ADAMTSL1: variants seen among roughly 807,000 people sequenced by gnomAD.
ADAMTSL1 encodes ADAMTS like 1.
ADAMTSL1 carries 126 observed loss-of-function variants against 201.8 expected under a neutral mutation model. The observed-to-expected ratio is 0.62, with a 90% CI of 0.54 to 0.72. The LOEUF is 0.72. Ranked by LOEUF, ADAMTSL1 falls within the 30% of genes least tolerant of loss-of-function variation. The pLI, the probability that ADAMTSL1 is intolerant of heterozygous loss-of-function variation, is 0.00. For missense variants in ADAMTSL1, 2,679 were observed against 2,277.8 expected, an observed-to-expected ratio of 1.18 and a Z score of -3.59; for synonymous variants, 1,121 against 903.4, an observed-to-expected ratio of 1.24 and a Z score of -4.32.
At chr9:18,433,755 A>G (rs1819599444) in intron 2 of ADAMTSL1, among the ~76,000 whole-genome samples, 1 of 152,202 alleles carries the variant, frequency 6.6e-6, no homozygotes, top group Non-Finnish European at 1.5e-5. Flanking sequence ...CACACTTAAG[A>G]GTAGACTAGG....
chr9:17,998,574 G>A (rs1464625500), intron 1 of ADAMTSL1, among the ~76,000 whole-genome samples: 2 of 152,012 alleles, frequency 1.3e-5, no homozygotes, highest in Non-Finnish European at 2.9e-5. Context: ...TAATCACAGG[G>A]TATGTTTAGT....
intron 2 of ADAMTSL1, among the ~76,000 whole-genome samples, chr9:18,456,292 C>G (rs1007521748): frequency 6.6e-6 from 1 of 152,166 alleles, no homozygotes; most frequent in African/African-American, 2.4e-5. Context: ...TGGTCCTTAA[C>G]AAGCCTTGAA....
chr9:18,282,976 A>G (rs1392269139), intron 2 of ADAMTSL1, among the ~76,000 whole-genome samples: 1 of 152,240 alleles, frequency 6.6e-6, no homozygotes, highest in Non-Finnish European at 1.5e-5. Flanking sequence ...GGTGGTTTAT[A>G]TAGTTTTTAA....
intron 2 of ADAMTSL1, chr9:18,362,221 C>G (rs1836557251): frequency 6.6e-6 from 1 of 152,128 alleles, no homozygotes; most frequent in Non-Finnish European, 1.5e-5. Flanking sequence ...TCACCTAACA[C>G]TGGAATATAG....
chr9:18,316,601 C>T (rs910481715), intron 2 of ADAMTSL1, among the ~76,000 whole-genome samples: 92 of 152,108 alleles, frequency 6.0e-4, no homozygotes, highest in African/African-American at 2.2e-3. Context: ...TCTCTTATTC[C>T]CTGAACAACT....
chr9:18,657,567 T>C, intron 7 of ADAMTSL1, 72 bp from the exon 8 acceptor site: 2 of 1,155,390 alleles, frequency 1.7e-6, no homozygotes, highest in Non-Finnish European at 2.6e-6. Context: ...CATATACTCT[T>C]GTTCGAAGCT....
chr9:18,812,707 A>G (rs1258891337), intron 20 of ADAMTSL1, among the ~76,000 whole-genome samples: 1 of 151,972 alleles, frequency 6.6e-6, no homozygotes, highest in East Asian at 1.9e-4. Context: ...TCCATTTTTA[A>G]TTTTTATGTA....
intron 4 of ADAMTSL1, among the ~76,000 whole-genome samples, chr9:18,608,877 T>C (rs1825198196): frequency 6.6e-6 from 1 of 151,896 alleles, no homozygotes; most frequent in Non-Finnish European, 1.5e-5. Context: ...AAAAAGATCG[T>C]AACTGATTTG....
At chr9:18,737,335 A>AAAAAAAAC (rs1818567571) in intron 15 of ADAMTSL1, among the ~76,000 whole-genome samples, 1 of 150,874 alleles carries the variant, frequency 6.6e-6, no homozygotes, top group Admixed American at 6.6e-5. Flanking sequence ...AAAAAAAAAA[A>AAAAAAAAC]AAAAAAAAGT....
chr9:18,834,466 T>G (rs960003256), intron 23 of ADAMTSL1, among the ~76,000 whole-genome samples: 2 of 152,196 alleles, frequency 1.3e-5, no homozygotes, highest in African/African-American at 2.4e-5. Flanking sequence ...TATTTGACAA[T>G]CTGGTAGTTG....
chr9:18,359,712 T>C (rs1173510983), intron 2 of ADAMTSL1, among the ~76,000 whole-genome samples: 1 of 152,122 alleles, frequency 6.6e-6, no homozygotes, highest in Non-Finnish European at 1.5e-5. Flanking sequence ...ATGTAAGATA[T>C]GTATACAGCC....
intron 2 of ADAMTSL1, among the ~76,000 whole-genome samples, chr9:18,401,947 A>G (rs1439183140): frequency 1.3e-5 from 2 of 152,334 alleles, no homozygotes; most frequent in African/African-American, 2.4e-5. Flanking sequence ...TTAAATGTGC[A>G]TATATCATAT....
intron 1 of ADAMTSL1, among the ~76,000 whole-genome samples, chr9:18,144,137 G>GTT (rs1826520930): frequency 6.6e-6 from 1 of 152,128 alleles, no homozygotes; most frequent in Non-Finnish European, 1.5e-5. Flanking sequence ...TGAAAGTGAT[G>GTT]TTTCTATTAA....
At chr9:18,862,447 C>A (rs1049468117) in intron 23 of ADAMTSL1, among the ~76,000 whole-genome samples, 7 of 152,188 alleles carry the variant, frequency 4.6e-5, no homozygotes, top group Non-Finnish European at 7.3e-5. Context: ...AGGGAATATT[C>A]ATAGAGTCCG....
At chr9:17,976,498 G>A (rs1445847701) in intron 1 of ADAMTSL1, among the ~76,000 whole-genome samples, 1 of 151,750 alleles carries the variant, frequency 6.6e-6, no homozygotes, top group African/African-American at 2.4e-5. Flanking sequence ...TTGTACATGG[G>A]ATTGTTTTCT....
chr9:18,838,845 C>A (rs539786962), intron 23 of ADAMTSL1, among the ~76,000 whole-genome samples: 1 of 149,986 alleles, frequency 6.7e-6, no homozygotes, highest in Non-Finnish European at 1.5e-5. Context: ...CACTACACTG[C>A]AGCCTGGGCA....
chr9:18,383,496 C>T (rs936397364), intron 2 of ADAMTSL1, among the ~76,000 whole-genome samples: 11 of 152,044 alleles, frequency 7.2e-5, no homozygotes, highest in Non-Finnish European at 1.0e-4. Flanking sequence ...ACCAGAACTG[C>T]CCAGCTGACC....
chr9:17,922,295 T>C (rs143415734), intron 1 of ADAMTSL1, among the ~76,000 whole-genome samples: 1 of 152,180 alleles, frequency 6.6e-6, no homozygotes, highest in Non-Finnish European at 1.5e-5. Flanking sequence ...CATAGGATTA[T>C]AAGGCTGGAA....
At chr9:18,668,707 G>T (rs1386507034) in intron 9 of ADAMTSL1, among the ~76,000 whole-genome samples, 1 of 152,158 alleles carries the variant, frequency 6.6e-6, no homozygotes, top group Non-Finnish European at 1.5e-5. Flanking sequence ...TCCTTAGTGA[G>T]GTGCCAAGCA....
Sources: allele counts gnomAD v4.1 joint callset (sites outside exome capture counted in the v4.1 genomes callset), GRCh38; gene constraint gnomAD v4.1.1; transcripts MANE v1.5; gene names NCBI Gene and HGNC (gene_info 2026-07-23, HGNC 2026-07-21).